MAGI2: variants seen among roughly 807,000 people sequenced by gnomAD.
MAGI2 encodes membrane associated guanylate kinase, WW and PDZ domain containing 2.
MAGI2 carries 35 observed loss-of-function variants against 133.3 expected under a neutral mutation model. The ratio of observed to expected loss-of-function variants is 0.26; its 90% confidence interval spans 0.20 to 0.35. MAGI2 has a LOEUF of 0.35. Among genes scored for constraint, MAGI2 ranks in the 10% least tolerant of loss-of-function variants. The probability of loss-of-function intolerance (pLI) is 1.00; values close to 1 mark genes in which losing one functional copy is unlikely to be tolerated. For missense variants in MAGI2, 1,636 were observed against 1,863.4 expected (o/e 0.88, Z 2.25); for synonymous variants, 729 against 710.6 (o/e 1.03, Z -0.41).
At chr7:78,866,504 A>AC (rs1158817941) in intron 2 of MAGI2, among the ~76,000 whole-genome samples, 5 of 151,832 alleles carry the variant, frequency 3.3e-5, no homozygotes, top group Non-Finnish European at 5.9e-5. Flanking sequence ...TTCTATCTCT[A>AC]CCTTTCTGCT....
At chr7:78,142,789 T>C (rs973162899) in intron 16 of MAGI2, among the ~76,000 whole-genome samples, 1 of 152,158 alleles carries the variant, frequency 6.6e-6, no homozygotes, top group Non-Finnish European at 1.5e-5. Context: ...TCCTCAAATC[T>C]GTAGGTGTGT....
At chr7:78,243,267 ACACT>A (rs1198508935) in intron 10 of MAGI2, among the ~76,000 whole-genome samples, 228 of 68,284 alleles carry the variant, frequency 3.3e-3, no homozygotes, top group African/African-American at 8.4e-3. Flanking sequence ...ACACACACAC[ACACT>A]CTCTCTCTCT....
intron 21 of MAGI2, chr7:78,078,437 C>A: frequency 6.3e-6 from 1 of 159,774 alleles, no homozygotes; most frequent in Non-Finnish European, 1.4e-5. Context: ...AGAATAATTC[C>A]TAAATGTCAA....
chr7:78,718,961 C>T (rs1819990716), intron 2 of MAGI2, among the ~76,000 whole-genome samples: 1 of 152,150 alleles, frequency 6.6e-6, no homozygotes, highest in Non-Finnish European at 1.5e-5. Context: ...TTTTCACTTA[C>T]ATCACCATTT....
At chr7:78,351,054 C>A (rs1386315152) in intron 7 of MAGI2, among the ~76,000 whole-genome samples, 5 of 152,180 alleles carry the variant, frequency 3.3e-5, no homozygotes, top group African/African-American at 7.2e-5. Context: ...GACTGTGTCA[C>A]AGATAAAATG....
chr7:78,203,487 T>C (rs1193792949), intron 10 of MAGI2, among the ~76,000 whole-genome samples: 1 of 152,184 alleles, frequency 6.6e-6, no homozygotes, highest in Non-Finnish European at 1.5e-5. Flanking sequence ...GTACTTGGGC[T>C]CCTCATTCTT....
rs573118092 is a variant in MAGI2 at position 79,205,388 on chromosome 7, A to G, written c.302-198182T>C. Among the ~76,000 whole-genome samples, 4 of 152,082 alleles carry G rather than the reference A, an allele frequency of 2.6e-5. No homozygotes were observed. In the East Asian group the frequency reaches 7.7e-4, roughly 29 times the overall value. ...GTCAAGTAAAAATACTGTGTCAAGC[A>G]AAACAGTCCATCAGAAATGAAGGAG... On this transcript the variant is annotated intron_variant, in intron 1 of 21. Transcript: ENST00000354212.
At chr7:78,973,762 G>A (rs560769569) in intron 2 of MAGI2, among the ~76,000 whole-genome samples, 7 of 151,886 alleles carry the variant, frequency 4.6e-5, no homozygotes. Flanking sequence ...GTATCTTTCT[G>A]GTTGCCCTGC....
At chr7:78,129,950 A>AG (rs1319649561) in intron 18 of MAGI2, among the ~76,000 whole-genome samples, 22 of 151,514 alleles carry the variant, frequency 1.5e-4, no homozygotes, top group South Asian at 2.1e-4. Flanking sequence ...AAAAAAAAAA[A>AG]AAAAAAAAAA....
chr7:78,457,730 T>C (rs1789470311), intron 6 of MAGI2, among the ~76,000 whole-genome samples: 2 of 152,172 alleles, frequency 1.3e-5, no homozygotes, highest in African/African-American at 2.4e-5. Context: ...AATGTAATAA[T>C]CAATTCTATT....
At chr7:78,106,958 C>G (rs921753330) in intron 20 of MAGI2, among the ~76,000 whole-genome samples, 2 of 152,022 alleles carry the variant, frequency 1.3e-5, no homozygotes, top group East Asian at 3.8e-4. Context: ...TAGAGTTTCC[C>G]CAACTACTTT....
At position 78,612,951 on chromosome 7, in the gene MAGI2, T is replaced by C. The variant is rs374546906; in HGVS notation, c.538+14169A>G. 3.5e-3 allele frequency among the ~76,000 whole-genome samples: 531 copies of C among 152,302 alleles called. 4 individuals are homozygous for C. The highest frequency in any genetic ancestry group is 0.012 in the African/African-American group (512 of 41,574). ...TCCCAAAGTGCTGGGATCACAGGCG[T>C]GAGCCACCGCGCCAGGCCGAAAATG... On this transcript the variant is annotated intron_variant, in intron 3 of 21. Coordinates refer to ENST00000354212, the MANE Select transcript of MAGI2 (RefSeq NM_012301.4).
At chr7:79,368,772 C>T (rs962888924) in intron 1 of MAGI2, among the ~76,000 whole-genome samples, 8 of 142,288 alleles carry the variant, frequency 5.6e-5, no homozygotes, top group Non-Finnish European at 6.0e-5. Context: ...GGCGTGAACC[C>T]GGGAGGCGGA....
intron 6 of MAGI2, among the ~76,000 whole-genome samples, chr7:78,464,456 T>A (rs1053220261): frequency 6.6e-6 from 1 of 152,126 alleles, no homozygotes; most frequent in Non-Finnish European, 1.5e-5. Context: ...ACTGCTCATA[T>A]CCCCCTATAC....
intron 2 of MAGI2, among the ~76,000 whole-genome samples, chr7:78,806,750 C>T (rs1039630439): frequency 6.6e-6 from 1 of 151,838 alleles, no homozygotes; most frequent in African/African-American, 2.4e-5. Context: ...CACCTGTAGT[C>T]CTAGCTACTT....
At position 79,199,036 on chromosome 7, in the gene MAGI2, TA is replaced by T. The variant is rs1285134541; in HGVS notation, c.302-191831del. Among the ~76,000 whole-genome samples the T allele has an allele frequency of 7.9e-5, 12 of 151,196 alleles. No homozygotes were observed. In the East Asian group the frequency reaches 9.7e-4, roughly 12 times the overall value. On this transcript the variant is annotated intron_variant, in intron 1 of 21. Transcript: ENST00000354212. ...GAGAAAAAGTTTATTATCTCTAAAC[TA>T]AAAAAAAATTAAAATTGAAGTAAAC...
At chr7:79,065,799 A>T (rs1255706518) in intron 1 of MAGI2, among the ~76,000 whole-genome samples, 2 of 152,056 alleles carry the variant, frequency 1.3e-5, no homozygotes, top group African/African-American at 4.8e-5. Context: ...TTATGAGTGA[A>T]AACATGCAGT....
intron 1 of MAGI2, among the ~76,000 whole-genome samples, chr7:79,322,588 C>A (rs531523017): frequency 6.6e-6 from 1 of 151,912 alleles, no homozygotes; most frequent in Non-Finnish European, 1.5e-5. Context: ...GAGTTTGAGA[C>A]CAGCCTGGTC....
At chr7:78,411,046 C>T (rs568659583) in intron 6 of MAGI2, among the ~76,000 whole-genome samples, 4 of 152,004 alleles carry the variant, frequency 2.6e-5, no homozygotes, top group African/African-American at 9.6e-5. Context: ...CCTCAGAGAA[C>T]TATACATTAT....
Sources: allele counts gnomAD v4.1 joint callset (sites outside exome capture counted in the v4.1 genomes callset), GRCh38; gene constraint gnomAD v4.1.1; transcripts MANE v1.5; gene names NCBI Gene and HGNC (gene_info 2026-07-23, HGNC 2026-07-21).